LRRTM4: variants seen among roughly 807,000 people sequenced by gnomAD.
LRRTM4 encodes the protein leucine-rich repeat transmembrane neuronal protein 4.
A neutral mutation model predicts 47.6 loss-of-function variants in LRRTM4; 25 were observed. That is an observed-to-expected ratio of 0.53 (90% CI 0.38 to 0.73). LRRTM4 has a LOEUF of 0.73. LRRTM4 is among the 30% of genes least tolerant of loss of function. LRRTM4 has a pLI of 0.00. For missense variants in LRRTM4, 638 were observed against 713.4 expected, an observed-to-expected ratio of 0.89 and a Z score of 1.20; for synonymous variants, 311 against 269.5, an observed-to-expected ratio of 1.15 and a Z score of -1.51.
intron 3 of LRRTM4, among the ~76,000 whole-genome samples, chr2:77,261,624 G>A (rs1010078861): frequency 3.3e-5 from 5 of 151,782 alleles, no homozygotes; most frequent in Admixed American, 2.0e-4. Flanking sequence ...CTGGGGTCCC[G>A]GAAAAGGGTC....
At chr2:77,091,770 A>G (rs1670649954) in intron 3 of LRRTM4, among the ~76,000 whole-genome samples, 2 of 149,940 alleles carry the variant, frequency 1.3e-5, no homozygotes, top group Non-Finnish European at 3.0e-5. Flanking sequence ...CATTACTTCA[A>G]TCAAGCCCAA....
chr2:77,380,321 T>A (rs922593896), intron 3 of LRRTM4, among the ~76,000 whole-genome samples: 1 of 152,138 alleles, frequency 6.6e-6, no homozygotes, highest in Admixed American at 6.6e-5. Context: ...CAGTAAAACA[T>A]CTTTTGAGGA....
At chr2:77,036,031 C>T (rs1331039362) in intron 3 of LRRTM4, among the ~76,000 whole-genome samples, 1 of 151,664 alleles carries the variant, frequency 6.6e-6, no homozygotes, top group Non-Finnish European at 1.5e-5. Flanking sequence ...CATATTATTC[C>T]CACAGTGATG....
At chr2:76,816,965 G>A (rs957653954) in intron 3 of LRRTM4, among the ~76,000 whole-genome samples, 1 of 151,088 alleles carries the variant, frequency 6.6e-6, no homozygotes, top group Admixed American at 6.6e-5. Flanking sequence ...AGTCTATAGA[G>A]TCAAAGATAC....
At chr2:77,220,898 A>T (rs936974768) in intron 3 of LRRTM4, among the ~76,000 whole-genome samples, 1 of 152,182 alleles carries the variant, frequency 6.6e-6, no homozygotes, top group Non-Finnish European at 1.5e-5. Context: ...CAAAACACCT[A>T]ATTGTCAGAT....
intron 3 of LRRTM4, among the ~76,000 whole-genome samples, chr2:76,934,515 G>C (rs1481959441): frequency 2.0e-5 from 3 of 152,058 alleles, no homozygotes; most frequent in Admixed American, 2.0e-4. Context: ...ATGGTGTGCT[G>C]GTAAATGTGT....
At chr2:77,515,049 T>G (rs1165715538) in intron 3 of LRRTM4, among the ~76,000 whole-genome samples, 1 of 151,910 alleles carries the variant, frequency 6.6e-6, no homozygotes, top group Non-Finnish European at 1.5e-5. Context: ...TAAATTCTCT[T>G]TTCTGAGTAC....
chr2:76,814,127 T>C (rs968493131), intron 3 of LRRTM4, among the ~76,000 whole-genome samples: 4 of 152,134 alleles, frequency 2.6e-5, no homozygotes, highest in African/African-American at 9.7e-5. Context: ...TATCTTGTTC[T>C]CATGACTATA....
At position 77,297,778 on chromosome 2, in the gene LRRTM4, A is replaced by C. The variant is rs575742438; in HGVS notation, c.1551+220540T>G. Among the ~76,000 whole-genome samples, 11 of 152,250 alleles carry C rather than the reference A, an allele frequency of 7.2e-5. No homozygotes were observed. In the South Asian group the frequency reaches 1.9e-3, roughly 26 times the overall value. On this transcript the variant is annotated intron_variant, in intron 3 of 3. Transcript: ENST00000409884. ...TCAATTAATAATGATATAATGAGAGAAGTTTTCCACTTTATGGGTCTTCAT... is the reference window on the plus strand; with the variant it reads ...TCAATTAATAATGATATAATGAGAGCAGTTTTCCACTTTATGGGTCTTCAT...
At chr2:77,207,842 T>C (rs1239469561) in intron 3 of LRRTM4, among the ~76,000 whole-genome samples, 3 of 145,786 alleles carry the variant, frequency 2.1e-5, no homozygotes, top group Non-Finnish European at 4.5e-5. Flanking sequence ...TACTGGTAAA[T>C]GAAAGTTGAA....
intron 3 of LRRTM4, among the ~76,000 whole-genome samples, chr2:76,999,693 A>C (rs1677343971): frequency 6.6e-6 from 1 of 152,164 alleles, no homozygotes; most frequent in Non-Finnish European, 1.5e-5. Context: ...TGTATCTGGC[A>C]TACTGAATTT....
chr2:77,253,582 G>C (rs1675681041), intron 3 of LRRTM4, among the ~76,000 whole-genome samples: 1 of 152,058 alleles, frequency 6.6e-6, no homozygotes, highest in South Asian at 2.1e-4. Flanking sequence ...ATCTCAACTT[G>C]AAAAGGAAAT....
chr2:77,071,739 A>G (rs1680160518), intron 3 of LRRTM4, among the ~76,000 whole-genome samples: 1 of 152,332 alleles, frequency 6.6e-6, no homozygotes, highest in East Asian at 1.9e-4. Flanking sequence ...ATTTGTTCCC[A>G]TTCATGGGGA....
At chr2:77,238,108 G>A (rs114787518) in intron 3 of LRRTM4, among the ~76,000 whole-genome samples, 56 of 152,162 alleles carry the variant, frequency 3.7e-4, no homozygotes, top group African/African-American at 1.2e-3. Flanking sequence ...GGCATTATAT[G>A]AGGTTTTTTA....
intron 3 of LRRTM4, among the ~76,000 whole-genome samples, chr2:76,916,727 G>A (rs144511452): frequency 6.6e-5 from 10 of 152,192 alleles, no homozygotes; most frequent in African/African-American, 2.2e-4. Context: ...TAAAAATATT[G>A]TGACCTAAAA....
At chr2:77,392,824 C>T (rs558442756) in intron 3 of LRRTM4, among the ~76,000 whole-genome samples, 1 of 151,894 alleles carries the variant, frequency 6.6e-6, no homozygotes, top group Non-Finnish European at 1.5e-5. Context: ...AATAGCATAG[C>T]TAATAACAGT....
intron 3 of LRRTM4, among the ~76,000 whole-genome samples, chr2:77,438,686 G>A (rs1184192002): frequency 6.6e-6 from 1 of 152,102 alleles, no homozygotes; most frequent in Non-Finnish European, 1.5e-5. Context: ...GATTACAGGC[G>A]TGAGCCAACG....
intron 3 of LRRTM4, among the ~76,000 whole-genome samples, chr2:77,331,676 C>T (rs1183375062): frequency 6.6e-6 from 1 of 152,108 alleles, no homozygotes; most frequent in Non-Finnish European, 1.5e-5. Context: ...GGAGTAAATC[C>T]TGATGTGGTA....
At chr2:76,957,645 T>C (rs1558761753) in intron 3 of LRRTM4, among the ~76,000 whole-genome samples, 1 of 151,746 alleles carries the variant, frequency 6.6e-6, no homozygotes, top group Non-Finnish European at 1.5e-5. Flanking sequence ...ACTGTCCTCT[T>C]ATGATAGTGC....
Sources: allele counts gnomAD v4.1 joint callset (sites outside exome capture counted in the v4.1 genomes callset), GRCh38; gene constraint gnomAD v4.1.1; transcripts MANE v1.5; gene names NCBI Gene and HGNC (gene_info 2026-07-23, HGNC 2026-07-21).